The following CCDC91 variants were observed in gnomAD, a reference collection of about 807,000 sequenced individuals.
The protein encoded by CCDC91 is coiled-coil domain containing 91.
Under a neutral mutation model 63.2 loss-of-function variants are expected in CCDC91, and 48 were observed. That is an observed-to-expected ratio of 0.76 (90% CI 0.60 to 0.97). The LOEUF (loss-of-function observed/expected upper bound fraction) is 0.97. CCDC91 is among the 50% of genes least tolerant of loss of function. The pLI, the probability that CCDC91 is intolerant of heterozygous loss-of-function variation, is 0.00. For missense variants in CCDC91, 500 were observed against 494.6 expected (o/e 1.01, Z -0.10); for synonymous variants, 167 against 165.8 (o/e 1.01, Z -0.06).
chr12:28,218,695 A>ACGTT (rs1555158142), intron 1 of CCDC91, among the ~76,000 whole-genome samples: 2 of 128,218 alleles, frequency 1.6e-5, no homozygotes, highest in Non-Finnish European at 3.3e-5. Context: ...AACATTGCAG[A>ACGTT]TGTTTGTGTG....
At chr12:28,486,305 C>A (rs1951723666) in intron 12 of CCDC91, among the ~76,000 whole-genome samples, 1 of 152,148 alleles carries the variant, frequency 6.6e-6, no homozygotes, top group South Asian at 2.1e-4. Context: ...TTCTGTATTG[C>A]AGAATTTCCT....
At chr12:28,436,466 A>G (rs1402695670) in intron 8 of CCDC91, among the ~76,000 whole-genome samples, 3 of 151,800 alleles carry the variant, frequency 2.0e-5, no homozygotes, top group African/African-American at 4.8e-5. Context: ...TAATATATGC[A>G]TAAGTGTACA....
chr12:28,195,414 C>T (rs566560307), intron 1 of CCDC91, among the ~76,000 whole-genome samples: 37 of 152,200 alleles, frequency 2.4e-4, no homozygotes, highest in Non-Finnish European at 2.2e-4. Flanking sequence ...CCACCTGACC[C>T]GGAAGTCCAG....
At chr12:28,484,508 G>A (rs1428750488) in intron 12 of CCDC91, among the ~76,000 whole-genome samples, 1 of 152,048 alleles carries the variant, frequency 6.6e-6, no homozygotes, top group Non-Finnish European at 1.5e-5. Context: ...TCATAGACAT[G>A]TGTATGCATC....
chr12:28,289,315 T>A (rs1949078777), intron 3 of CCDC91, among the ~76,000 whole-genome samples: 1 of 152,144 alleles, frequency 6.6e-6, no homozygotes, highest in Non-Finnish European at 1.5e-5. Flanking sequence ...TTTGTGGACA[T>A]TTAGTGCTAT....
chr12:28,225,863 TA>T (rs1214104363), intron 1 of CCDC91: 2 of 152,232 alleles, frequency 1.3e-5, no homozygotes, highest in African/African-American at 2.4e-5. Flanking sequence ...TTAATTCTGG[TA>T]AGTCTAAGTG....
At chr12:28,482,188 A>C (rs1951483708) in intron 11 of CCDC91, among the ~76,000 whole-genome samples, 1 of 151,966 alleles carries the variant, frequency 6.6e-6, no homozygotes, top group South Asian at 2.1e-4. Context: ...TATGTATGTA[A>C]TATTTTTACC....
intron 6 of CCDC91, among the ~76,000 whole-genome samples, chr12:28,355,973 T>C (rs893053919): frequency 1.3e-5 from 2 of 152,210 alleles, no homozygotes; most frequent in African/African-American, 4.8e-5. Context: ...GGCAAAATTC[T>C]TTATTTCCAT....
chr12:28,484,278 C>T (rs989639259), intron 12 of CCDC91, 113 bp downstream of exon 12: 16 of 490,648 alleles, frequency 3.3e-5, no homozygotes, highest in African/African-American at 1.4e-4. Flanking sequence ...ATCTAACTTA[C>T]GGATCTTCAT....
At chr12:28,260,766 A>C (rs1946772103) in intron 3 of CCDC91, among the ~76,000 whole-genome samples, 1 of 151,926 alleles carries the variant, frequency 6.6e-6, no homozygotes, top group South Asian at 2.1e-4. Context: ...ATAAAGAATA[A>C]AGTGAACAAG....
At chr12:28,306,630 C>T in intron 4 of CCDC91, 112 bp from the exon 5 acceptor site, 1 of 697,164 alleles carries the variant, frequency 1.4e-6, no homozygotes. Flanking sequence ...ATTTCGGAAC[C>T]TTTTCAACAA....
At chr12:28,299,308 T>A (rs2136960650) in intron 3 of CCDC91, among the ~76,000 whole-genome samples, 1 of 151,732 alleles carries the variant, frequency 6.6e-6, no homozygotes, top group South Asian at 2.1e-4. Context: ...TATCATTTTC[T>A]TCCCTTTCCT....
At chr12:28,227,839 C>G (rs1235374755) in intron 1 of CCDC91, among the ~76,000 whole-genome samples, 1 of 152,032 alleles carries the variant, frequency 6.6e-6, no homozygotes, top group African/African-American at 2.4e-5. Context: ...CAGAATTCTT[C>G]AATGAGTTCT....
intron 6 of CCDC91, among the ~76,000 whole-genome samples, chr12:28,321,507 T>C (rs1338912103): frequency 6.6e-6 from 1 of 151,932 alleles, no homozygotes; most frequent in African/African-American, 2.4e-5. Flanking sequence ...TCATCCCCAT[T>C]TTGATGGTAT....
chr12:28,427,797 C>T (rs1197078446), intron 8 of CCDC91, among the ~76,000 whole-genome samples: 4 of 152,100 alleles, frequency 2.6e-5, no homozygotes, highest in Admixed American at 6.5e-5. Flanking sequence ...GGAGTAATGA[C>T]TTCCATGCTT....
At chr12:28,209,106 C>G (rs900106895) in intron 1 of CCDC91, among the ~76,000 whole-genome samples, 3 of 152,072 alleles carry the variant, frequency 2.0e-5, no homozygotes, top group African/African-American at 7.2e-5. Flanking sequence ...ATACCTGGCC[C>G]ATTATCTTTT....
At chr12:28,222,455 G>A (rs1181487509) in intron 1 of CCDC91, among the ~76,000 whole-genome samples, 1 of 152,090 alleles carries the variant, frequency 6.6e-6, no homozygotes, top group Non-Finnish European at 1.5e-5. Context: ...TGCATAAAAT[G>A]TATACACTAG....
At chr12:28,484,233 C>G in intron 12 of CCDC91, 68 bp downstream of exon 12, 2 of 753,206 alleles carry the variant, frequency 2.7e-6, no homozygotes, top group Non-Finnish European at 4.2e-6. Flanking sequence ...CATACAATAA[C>G]ATGAAATTGT....
chr12:28,384,348 CTCTT>C (rs1945473193), intron 7 of CCDC91, among the ~76,000 whole-genome samples: 2 of 152,038 alleles, frequency 1.3e-5, no homozygotes, highest in African/African-American at 4.8e-5. Context: ...TTAGGATTAA[CTCTT>C]TCACTACCAG....
Sources: gnomAD v4.1 joint callset for allele counts (sites outside exome capture counted in the v4.1 genomes callset) on GRCh38, gnomAD v4.1.1 for gene constraint, MANE v1.5 for transcripts, NCBI Gene and HGNC (gene_info 2026-07-23, HGNC 2026-07-21) for gene names.